PDE7A: variants seen among roughly 807,000 people sequenced by gnomAD.
The protein encoded by PDE7A is phosphodiesterase 7A.
PDE7A carries 39 observed loss-of-function variants against 64.3 expected under a neutral mutation model. The ratio of observed to expected loss-of-function variants is 0.61; its 90% confidence interval spans 0.47 to 0.79. The LOEUF (loss-of-function observed/expected upper bound fraction) is 0.79, where lower values mean the gene tolerates loss of function less well. PDE7A is among the 30% of genes least tolerant of loss of function. The pLI, the probability that PDE7A is intolerant of heterozygous loss-of-function variation, is 0.00. For missense variants in PDE7A, 470 were observed against 582.8 expected, an observed-to-expected ratio of 0.81 and a Z score of 1.99; for synonymous variants, 203 against 206.8, an observed-to-expected ratio of 0.98 and a Z score of 0.16.
At chr8:65,838,139 T>C (rs528041652) in intron 1 of PDE7A, among the ~76,000 whole-genome samples, 34 of 152,316 alleles carry the variant, frequency 2.2e-4, no homozygotes, top group Non-Finnish European at 3.7e-4. Flanking sequence ...TTCCAGTGCA[T>C]AGAAAATCTG....
chr8:65,820,297 G>A (rs1237573616), intron 1 of PDE7A, among the ~76,000 whole-genome samples: 1 of 152,188 alleles, frequency 6.6e-6, no homozygotes, highest in Non-Finnish European at 1.5e-5. Context: ...TCAAGAGGCT[G>A]GGGTGGGAGG....
chr8:65,741,163 T>C (rs184995484), intron 5 of PDE7A, among the ~76,000 whole-genome samples: 1 of 152,362 alleles, frequency 6.6e-6, no homozygotes, highest in African/African-American at 2.4e-5. Context: ...TACTATATTA[T>C]TTTAACAATT....
rs1277555027 is a variant in PDE7A at position 65,841,670 on chromosome 8, C to CA, written c.-163dup. ...AGCCGCGCTCACGCCTCCCCAACCCCAGCCCTCCGCTCGGGCCGCCGGCGG... is the reference window on the plus strand; with the variant it reads ...AGCCGCGCTCACGCCTCCCCAACCCCAAGCCCTCCGCTCGGGCCGCCGGCGG... On this transcript the variant is annotated 5_prime_UTR_variant, in exon 1 of 13. Transcript: ENST00000401827. 1 of 174,406 alleles carries CA rather than the reference C, an allele frequency of 5.7e-6. No homozygotes were observed. Among genetic ancestry groups the CA allele is most frequent in the African/African-American group, 2.4e-5 (1 of 41,624 alleles). The allele number at this position is 174,406 out of a possible 1,614,324, so 10.8% of individuals were successfully genotyped here.
intron 3 of PDE7A, among the ~76,000 whole-genome samples, chr8:65,767,841 T>G (rs891395095): frequency 4.6e-5 from 7 of 152,198 alleles, no homozygotes; most frequent in Non-Finnish European, 7.4e-5. Context: ...TATAAGTGTT[T>G]CCCTGAATTC....
intron 3 of PDE7A, among the ~76,000 whole-genome samples, chr8:65,768,381 T>G (rs1808906839): frequency 1.3e-5 from 2 of 152,228 alleles, no homozygotes; most frequent in Middle Eastern, 3.4e-3. Context: ...AGTTGAATCA[T>G]GGGGGTGCTA....
chr8:65,717,254 C>G lies in PDE7A; in HGVS notation c.*2036G>C, dbSNP rs1027971066. Among the ~76,000 whole-genome samples, 15 of 152,264 alleles carry G rather than the reference C, an allele frequency of 9.9e-5. No individual in the cohort carries two copies. The East Asian group carries it at 2.3e-3, about 23-fold the overall frequency. On this transcript the variant is annotated 3_prime_UTR_variant, in exon 13 of 13. Coordinates refer to ENST00000401827, the MANE Select transcript of PDE7A (RefSeq NM_001242318.3). ...TGATTTAGAAGTTTGCACCATATCC[C>G]TTCTAATGAGTTGGACCTGGGAAGA...
At chr8:65,831,289 A>G (rs769434761) in intron 1 of PDE7A, among the ~76,000 whole-genome samples, 3 of 152,066 alleles carry the variant, frequency 2.0e-5, no homozygotes, top group Non-Finnish European at 4.4e-5. Flanking sequence ...AAACTTATCT[A>G]CCCCCCTCTA....
In PDE7A at chr8:65,734,738, T is replaced by C. The variant is rs1418710356; in HGVS notation, c.696+56A>G. 21 of 981,026 alleles carry C rather than the reference T, an allele frequency of 2.1e-5. No individual in the cohort carries two copies. In the East Asian group the frequency reaches 5.1e-4, roughly 24 times the overall value. 60.8% of individuals were successfully genotyped at this position (981,026 alleles called of 1,614,324 possible). ...TAACTTCAGGAGAAGTATGTGAAAGTAAATCAAAAGGAATTTTCTTATGAT... is the reference window on the plus strand; with the variant it reads ...TAACTTCAGGAGAAGTATGTGAAAGCAAATCAAAAGGAATTTTCTTATGAT... On this transcript the variant is annotated intron_variant, in intron 7 of 12. Transcript: ENST00000401827.
chr8:65,838,871 G>A (rs574812039), intron 1 of PDE7A: 2 of 152,298 alleles, frequency 1.3e-5, no homozygotes, highest in South Asian at 4.1e-4. Context: ...TCAGAACTTT[G>A]CCTAAAACAC....
At chr8:65,806,058 G>A (rs1431212698) in intron 1 of PDE7A, among the ~76,000 whole-genome samples, 1 of 152,116 alleles carries the variant, frequency 6.6e-6, no homozygotes, top group Non-Finnish European at 1.5e-5. Flanking sequence ...TAAGCATGAA[G>A]ATTTAGCAAC....
intron 1 of PDE7A, among the ~76,000 whole-genome samples, chr8:65,831,155 G>A (rs1300454389): frequency 2.0e-5 from 3 of 152,080 alleles, no homozygotes; most frequent in East Asian, 1.9e-4. Context: ...TTCTTTGAAA[G>A]GCTGTATGAG....
intron 1 of PDE7A, among the ~76,000 whole-genome samples, chr8:65,840,423 C>CAT (rs1554572979): frequency 2.0e-3 from 305 of 151,206 alleles, no homozygotes; most frequent in African/African-American, 5.0e-3. Context: ...CACACACACA[C>CAT]ACACACACCT....
intron 1 of PDE7A, among the ~76,000 whole-genome samples, chr8:65,796,351 C>T (rs919262957): frequency 6.6e-6 from 1 of 151,994 alleles, no homozygotes; most frequent in Non-Finnish European, 1.5e-5. Context: ...TACCTAGATA[C>T]ATAGCAATCA....
intron 12 of PDE7A, 59 bp downstream of exon 12, chr8:65,723,482 C>G (rs899794669): frequency 1.5e-6 from 2 of 1,336,032 alleles, no homozygotes; most frequent in East Asian, 5.5e-5. Flanking sequence ...ATATATTTCC[C>G]TTCTTGATAA....
At chr8:65,840,272 CAG>C (rs981534478) in intron 1 of PDE7A, among the ~76,000 whole-genome samples, 2 of 152,114 alleles carry the variant, frequency 1.3e-5, no homozygotes, top group East Asian at 3.8e-4. Context: ...AAAAAGGATT[CAG>C]AGAGAGACCC....
At chr8:65,720,056 A>C (rs2129063406) in intron 12 of PDE7A, among the ~76,000 whole-genome samples, 1 of 152,374 alleles carries the variant, frequency 6.6e-6, no homozygotes, top group East Asian at 1.9e-4. Context: ...TAAAAATAAC[A>C]GGTGGGGTTA....
chr8:65,724,100 T>C (rs1405771001), intron 11 of PDE7A, among the ~76,000 whole-genome samples, 155 bp downstream of exon 11: 2 of 152,348 alleles, frequency 1.3e-5, no homozygotes, highest in Admixed American at 1.3e-4. Context: ...AGATGCTCAA[T>C]TTGTATTGAT....
At chr8:65,810,353 G>T (rs1425936111) in intron 1 of PDE7A, among the ~76,000 whole-genome samples, 1 of 151,406 alleles carries the variant, frequency 6.6e-6, no homozygotes, top group Non-Finnish European at 1.5e-5. Flanking sequence ...GTCATGGGGT[G>T]GGGGGATGGG....
chr8:65,838,380 T>C (rs1810999940), intron 1 of PDE7A: 1 of 152,236 alleles, frequency 6.6e-6, no homozygotes, highest in African/African-American at 2.4e-5. Context: ...ACAGGCTTCA[T>C]CTACTTTATC....
Sources: allele counts gnomAD v4.1 joint callset (sites outside exome capture counted in the v4.1 genomes callset), GRCh38; gene constraint gnomAD v4.1.1; transcripts MANE v1.5; gene names NCBI Gene and HGNC (gene_info 2026-07-23, HGNC 2026-07-21).